The following NRBP2 variants were observed in gnomAD, a reference collection of about 807,000 sequenced individuals.
The protein encoded by NRBP2 is nuclear receptor-binding protein 2.
A neutral mutation model predicts 74.4 loss-of-function variants in NRBP2; 47 were observed. That is an observed-to-expected ratio of 0.63 (90% CI 0.50 to 0.81). The LOEUF is 0.81. NRBP2 is among the 30% of genes least tolerant of loss of function. NRBP2 has a pLI of 0.00. For synonymous variants in NRBP2, 312 were observed against 273.8 expected (o/e 1.14, Z -1.38); for missense variants, 613 against 690.1 (o/e 0.89, Z 1.25).
chr8:143,837,334 C>T lies in NRBP2; in HGVS notation c.1077-35G>A. ...AAGTGGGAGGCACATGAGGGGCTGG[C>T]CGGGGCGAGGGGAGGGGAGGTGCGG... On this transcript the variant is annotated intron_variant, in intron 12 of 17. Coordinates refer to ENST00000442628, the MANE Select transcript of NRBP2 (RefSeq NM_178564.4). The surrounding 1 kb of genome is among the most constrained non-coding windows in gnomAD (Gnocchi z 4.3). 1 of 1,407,140 alleles carries T rather than the reference C, an allele frequency of 7.1e-7. No homozygotes were observed. The highest frequency in any genetic ancestry group is 9.6e-7 in the Non-Finnish European group (1 of 1,041,226). The allele number at this position is 1,407,140 out of a possible 1,614,324, so 87.2% of individuals were successfully genotyped here.
chr8:143,836,228 A>G lies in NRBP2; in HGVS notation c.1264-48T>C, dbSNP rs1818376637. 3.4e-6 allele frequency: 5 copies of G among 1,482,718 alleles called. No individual in the cohort carries two copies. In the East Asian group the frequency reaches 1.0e-4, roughly 30 times the overall value. The allele number at this position is 1,482,718 out of a possible 1,614,324, so 91.8% of individuals were successfully genotyped here. A position where few individuals can be genotyped will look rare whatever the true frequency, so the allele number is the denominator to read the frequency against. ...CTCACAAACCCAGCAGCAAGACCAC[A>G]TGCCGCGGCCCCAAAGGGGCCGGGA... On this transcript the variant is annotated intron_variant, in intron 14 of 17. Transcript: ENST00000442628.
rs2130558924 is a variant in NRBP2 at position 143,839,784 on chromosome 8, C to T, written c.396G>A (p.Lys132=). 6.5e-7 allele frequency: 1 copy of T among 1,536,012 alleles called. No individual in the cohort carries two copies. The highest frequency in any genetic ancestry group is 2.4e-5 in the East Asian group (1 of 40,900). The change falls in exon 4 of 18, where the codon AAG becomes AAA. Residue 132 remains lysine (K), a synonymous_variant. Coordinates refer to ENST00000442628, the MANE Select transcript of NRBP2 (RefSeq NM_178564.4). This position sits in a 1 kb window ranked among gnomAD's most constrained non-coding sequence, Gnocchi z 5.1. ...ITEYVSSGSL[K]QFLKKTKKNH... ...TCTTCTTGGTCTTTTTGAGGAATTG[C>T]TTGAGGCTGCCTGATGACACGTACT...
chr8:143,835,304 C>T lies in NRBP2; in HGVS notation c.*358G>A. On this transcript the variant is annotated 3_prime_UTR_variant, in exon 18 of 18. Coordinates refer to ENST00000442628, the MANE Select transcript of NRBP2 (RefSeq NM_178564.4). The surrounding 1 kb of genome is among the most constrained non-coding windows in gnomAD (Gnocchi z 4.9). ...TCCAGGGCTGACCCTCACCCCCAAG[C>T]CCCAGAGCTGGGGTTCCCTACAGGG... The T allele has an allele frequency of 2.6e-6, 1 of 379,896 alleles. No homozygotes were observed. The highest frequency in any genetic ancestry group is 4.9e-6 in the Non-Finnish European group (1 of 204,498). 23.5% of individuals were successfully genotyped at this position (379,896 alleles called of 1,614,324 possible).
At position 143,840,845 on chromosome 8, in the gene NRBP2, G is replaced by T; in HGVS notation, c.-11C>A. ...CTCCGGGGCCGCCATGGTTCGGCCA[G>T]CCCAGGCCACCGCCCTCTGCGCGAT... On this transcript the variant is annotated 5_prime_UTR_variant, in exon 1 of 18. The change creates a new upstream start codon in the 5' untranslated region. Coordinates refer to ENST00000442628, the MANE Select transcript of NRBP2 (RefSeq NM_178564.4). This position sits in a 1 kb window ranked among gnomAD's most constrained non-coding sequence, Gnocchi z 5.7. 6.9e-7 allele frequency: 1 copy of T among 1,440,072 alleles called. No homozygotes were observed. The highest frequency in any genetic ancestry group is 9.1e-7 in the Non-Finnish European group (1 of 1,100,926). The allele number at this position is 1,440,072 out of a possible 1,614,324, so 89.2% of individuals were successfully genotyped here.
In NRBP2 at chr8:143,839,208, G is replaced by A. The variant is rs969487236; in HGVS notation, c.581-13C>T. On this transcript the variant is annotated splice_polypyrimidine_tract_variant and intron_variant, in intron 6 of 17. Coordinates refer to ENST00000442628, the MANE Select transcript of NRBP2 (RefSeq NM_178564.4). This position sits in a 1 kb window ranked among gnomAD's most constrained non-coding sequence, Gnocchi z 5.1. The stretch of plus-strand genomic sequence containing the variant: ...ATTCGGTGCCACACTGCCAAGGGGC[G>A]GGAGAAAGAGTGGAGTTAGCTGCTG... 4.8e-5 allele frequency: 73 copies of A among 1,531,220 alleles called. 1 individual carries two copies. The highest frequency in any genetic ancestry group is 1.7e-4 in the Middle Eastern group (1 of 5,986). 94.9% of individuals were successfully genotyped at this position (1,531,220 alleles called of 1,614,324 possible).
downstream of NRBP2, among the ~76,000 whole-genome samples, chr8:143,830,433 G>A (rs544565319): frequency 1.3e-5 from 2 of 152,380 alleles, no homozygotes; most frequent in East Asian, 3.9e-4. Flanking sequence ...CTGAGGCCCT[G>A]CTCAAGCAAG....
Position 143,840,035 on chromosome 8 carries a change from G to A in NRBP2, c.253-5C>T. 6.5e-7 allele frequency: 1 copy of A among 1,536,164 alleles called. No individual in the cohort carries two copies. The highest frequency in any genetic ancestry group is 8.7e-7 in the Non-Finnish European group (1 of 1,146,882). ...GAACACGGTCTGGATCTTCTCCTGG[G>A]GAGGGAGGGTGGTCGCTGGGTGGTC... On this transcript the variant is annotated splice_region_variant and splice_polypyrimidine_tract_variant and intron_variant, in intron 2 of 17. Coordinates refer to ENST00000442628, the MANE Select transcript of NRBP2 (RefSeq NM_178564.4). This position sits in a 1 kb window ranked among gnomAD's most constrained non-coding sequence, Gnocchi z 5.7.
chr8:143,832,408 A>C (rs1373357367), downstream of NRBP2, among the ~76,000 whole-genome samples: 1 of 152,050 alleles, frequency 6.6e-6, no homozygotes, highest in African/African-American at 2.4e-5. Context: ...CGACACCCGT[A>C]AAGGGTCTGT....
chr8:143,835,686 G>C lies in NRBP2; in HGVS notation c.1482C>G (p.Leu494=). ...KLAAFLESTF[L]KYRGTQA is the part of the protein sequence containing the mutation. ...GTCAGGCCTGGGTCCCACGGTACTT[G>C]AGGAAGGTGCTCTCCAGGAAGGCGG... Residue 494 remains leucine, a synonymous_variant, in exon 18 of 18, where the codon CTC becomes CTG. Transcript: ENST00000442628. This position sits in a 1 kb window ranked among gnomAD's most constrained non-coding sequence, Gnocchi z 4.9. The C allele has an allele frequency of 6.3e-7, 1 of 1,598,392 alleles. No homozygotes were observed. Among genetic ancestry groups the C allele is most frequent in the South Asian group, 1.1e-5 (1 of 88,884 alleles).
chr8:143,832,277 A>C (rs200809585), downstream of NRBP2, among the ~76,000 whole-genome samples: 2,458 of 151,754 alleles, frequency 0.016, 36 homozygotes, highest in Non-Finnish European at 0.023. Context: ...GGGACACAAA[A>C]ACTGCGGAAG....
Position 143,835,809 on chromosome 8 carries a change from G to A in NRBP2, c.1437+11C>T, listed in dbSNP as rs375147352. The A allele has an allele frequency of 4.9e-5, 79 of 1,600,216 alleles. No homozygotes were observed. The highest frequency in any genetic ancestry group is 1.3e-4 in the South Asian group (12 of 89,980). ...CCCCTCCGCCAGGCCGCGCCGCACC[G>A]CCCAGCGCACCTCGTGGAGGAAGCC... On this transcript the variant is annotated intron_variant, in intron 17 of 17. Coordinates refer to ENST00000442628, the MANE Select transcript of NRBP2 (RefSeq NM_178564.4). This position sits in a 1 kb window ranked among gnomAD's most constrained non-coding sequence, Gnocchi z 4.9.
In NRBP2 at chr8:143,838,794, T is replaced by C; in HGVS notation, c.745-19A>G. The C allele has an allele frequency of 6.2e-7, 1 of 1,611,654 alleles. No individual in the cohort carries two copies. Among genetic ancestry groups the C allele is most frequent in the Non-Finnish European group, 8.5e-7 (1 of 1,178,762 alleles). On this transcript the variant is annotated intron_variant, in intron 9 of 17. Transcript: ENST00000442628. ...CAGCCATCTGGGGCACAGAGCCAGG[T>C]CAGGCATGGGGAAGGGACCACACAG...
rs906519688 is a variant in NRBP2 at position 143,840,751 on chromosome 8, G to A, written c.84C>T (p.Ile28=). Residue 28 remains isoleucine (I), a synonymous_variant, in exon 1 of 18, where the codon ATC becomes ATT. Coordinates refer to ENST00000442628, the MANE Select transcript of NRBP2 (RefSeq NM_178564.4). The surrounding 1 kb of genome is among the most constrained non-coding windows in gnomAD (Gnocchi z 5.7). The part of the protein sequence containing the change: ...REDESEDESD[I]LEESPCGRWQ... ...AGCGACCACACGGGCTTTCCTCCAG[G>A]ATGTCGCTCTCGTCCTCGCTCTCGT... 6.6e-7 allele frequency: 1 copy of A among 1,514,752 alleles called. No individual in the cohort carries two copies. The highest frequency in any genetic ancestry group is 8.8e-7 in the Non-Finnish European group (1 of 1,137,478). 93.8% of individuals were successfully genotyped at this position (1,514,752 alleles called of 1,614,324 possible). A position where few individuals can be genotyped will look rare whatever the true frequency, so the allele number is the denominator to read the frequency against.
Position 143,835,520 on chromosome 8 carries a change from A to C in NRBP2, c.*142T>G, listed in dbSNP as rs1563857699. 2 of 748,240 alleles carry C rather than the reference A, an allele frequency of 2.7e-6. No individual in the cohort carries two copies. The highest frequency in any genetic ancestry group is 2.8e-5 in the East Asian group (1 of 35,700). The allele number at this position is 748,240 out of a possible 1,614,324, so 46.4% of individuals were successfully genotyped here. On this transcript the variant is annotated 3_prime_UTR_variant, in exon 18 of 18. Coordinates refer to ENST00000442628, the MANE Select transcript of NRBP2 (RefSeq NM_178564.4). This position sits in a 1 kb window ranked among gnomAD's most constrained non-coding sequence, Gnocchi z 4.9. ...CCAAGGCAGGGTCAGCCCCACTCTC[A>C]GGAGACGGGGGGTTCCTTCACTACC... is the stretch of plus-strand genomic sequence containing the variant.
Position 143,837,758 on chromosome 8 carries a change from G to A in NRBP2, c.841-3C>T, listed in dbSNP as rs1164597572. On this transcript the variant is annotated splice_polypyrimidine_tract_variant and splice_region_variant and intron_variant, in intron 10 of 17. Transcript: ENST00000442628. The surrounding 1 kb of genome is among the most constrained non-coding windows in gnomAD (Gnocchi z 4.3). ...GCCAGGCAGCAAAGGATGAACTCCTGGGGCACAGGGAGGAGAGGCTGGTGG... is the reference window on the plus strand; with the variant it reads ...GCCAGGCAGCAAAGGATGAACTCCTAGGGCACAGGGAGGAGAGGCTGGTGG... 8 of 1,558,328 alleles carry A rather than the reference G, an allele frequency of 5.1e-6. No individual in the cohort carries two copies. Among genetic ancestry groups the A allele is most frequent in the Non-Finnish European group, 6.1e-6 (7 of 1,150,270 alleles).
In NRBP2 at chr8:143,837,347, A is replaced by C; in HGVS notation, c.1077-48T>G. 9.3e-6 allele frequency: 2 copies of C among 214,926 alleles called. No individual in the cohort carries two copies. Among genetic ancestry groups the C allele is most frequent in the Middle Eastern group, 5.5e-4 (1 of 1,812 alleles). 13.3% of individuals were successfully genotyped at this position (214,926 alleles called of 1,614,324 possible). On this transcript the variant is annotated intron_variant, in intron 12 of 17. Coordinates refer to ENST00000442628, the MANE Select transcript of NRBP2 (RefSeq NM_178564.4). The surrounding 1 kb of genome is among the most constrained non-coding windows in gnomAD (Gnocchi z 4.3). ...ATGAGGGGCTGGCCGGGGCGAGGGG[A>C]GGGGAGGTGCGGGGAGGGGAGGTGT...
chr8:143,836,641 G>C (rs1236767395), intron 14 of NRBP2, among the ~76,000 whole-genome samples: 3 of 139,886 alleles, frequency 2.1e-5, no homozygotes, highest in Admixed American at 7.2e-5. Context: ...GAAAAGTCTG[G>C]GGAGACACCA....
In NRBP2 at chr8:143,840,044, G is replaced by T; in HGVS notation, c.253-14C>A. 1 of 1,536,168 alleles carries T rather than the reference G, an allele frequency of 6.5e-7. No homozygotes were observed. Among genetic ancestry groups the T allele is most frequent in the Admixed American group, 2.0e-5 (1 of 51,008 alleles). On this transcript the variant is annotated splice_polypyrimidine_tract_variant and intron_variant, in intron 2 of 17. Transcript: ENST00000442628. This position sits in a 1 kb window ranked among gnomAD's most constrained non-coding sequence, Gnocchi z 5.7. ...CTGGATCTTCTCCTGGGGAGGGAGGGTGGTCGCTGGGTGGTCAGCAGGTGG... is the reference window on the plus strand; with the variant it reads ...CTGGATCTTCTCCTGGGGAGGGAGGTTGGTCGCTGGGTGGTCAGCAGGTGG...
Position 143,840,940 on chromosome 8 carries a change from G to T in NRBP2, c.-106C>A, listed in dbSNP as rs1480807997. ...CAGCAGCCCAGCCTAGAGCCGCCGC[G>T]GCAGCCTAGAGCCCCAGCCCCGGCT... On this transcript the variant is annotated 5_prime_UTR_variant, in exon 1 of 18. Coordinates refer to ENST00000442628, the MANE Select transcript of NRBP2 (RefSeq NM_178564.4). This position sits in a 1 kb window ranked among gnomAD's most constrained non-coding sequence, Gnocchi z 5.7. 2 of 1,162,334 alleles carry T rather than the reference G, an allele frequency of 1.7e-6. No individual in the cohort carries two copies. Among genetic ancestry groups the T allele is most frequent in the Non-Finnish European group, 2.1e-6 (2 of 945,126 alleles). The allele number at this position is 1,162,334 out of a possible 1,614,324, so 72.0% of individuals were successfully genotyped here. A position where few individuals can be genotyped will look rare whatever the true frequency, so the allele number is the denominator to read the frequency against.
Sources: allele counts gnomAD v4.1 joint callset (sites outside exome capture counted in the v4.1 genomes callset), GRCh38; gene constraint gnomAD v4.1.1; non-coding constraint Gnocchi (gnomAD v3.1); transcripts MANE v1.5; gene names NCBI Gene and HGNC (gene_info 2026-07-23, HGNC 2026-07-21).